Variants in ZNG1A observed in about 807,000 individuals in gnomAD.
ZNG1A encodes Zn regulated GTPase metalloprotein activator 1A.
chr9:154,522 T>C, the ZNG1A span: 1 of 593,938 alleles, frequency 1.7e-6, no homozygotes, highest in Non-Finnish European at 3.0e-6. Context: ...CTGCAAGCAC[T>C]GGGGACTAAT....
At chr9:122,308 T>C in the ZNG1A span, 1 of 1,420,486 alleles carries the variant, frequency 7.0e-7, no homozygotes, top group Admixed American at 2.9e-5. Context: ...GATTTTCTTT[T>C]TGAACAATCC....
the ZNG1A span, among the ~76,000 whole-genome samples, chr9:177,229 T>C: frequency 6.6e-6 from 1 of 152,176 alleles, no homozygotes. Context: ...TTGTAATTCA[T>C]GTTAAGGAAT....
chr9:139,703 G>A, the ZNG1A span, among the ~76,000 whole-genome samples: 6 of 151,160 alleles, frequency 4.0e-5, no homozygotes, highest in Non-Finnish European at 7.4e-5. Flanking sequence ...AGCTCCCAGC[G>A]TGAGAGACGC....
At chr9:169,293 G>C in the ZNG1A span, among the ~76,000 whole-genome samples, 3 of 148,328 alleles carry the variant, frequency 2.0e-5, no homozygotes, top group Non-Finnish European at 4.4e-5. Context: ...AAGAGAACTA[G>C]AATTAGAAGG....
the ZNG1A span, among the ~76,000 whole-genome samples, chr9:141,553 G>GA: frequency 1.3e-5 from 2 of 150,780 alleles, no homozygotes; most frequent in African/African-American, 2.5e-5. Flanking sequence ...ACTAAACGTG[G>GA]AAAGGAACAA....
the ZNG1A span, chr9:178,721 G>A: frequency 2.9e-6 from 3 of 1,018,486 alleles, 1 homozygote; most frequent in African/African-American, 1.5e-5. Flanking sequence ...TCTTGATCAT[G>A]AGGCCCCAAT....
chr9:127,133 T>C, the ZNG1A span, among the ~76,000 whole-genome samples: 1 of 152,160 alleles, frequency 6.6e-6, no homozygotes, highest in African/African-American at 2.4e-5. Flanking sequence ...TCATGTGCTG[T>C]TGAACAGAAC....
the ZNG1A span, among the ~76,000 whole-genome samples, chr9:129,393 C>G: frequency 1.3e-4 from 19 of 151,208 alleles, no homozygotes; most frequent in Non-Finnish European, 2.4e-4. Context: ...TATTTTGTCA[C>G]AGCAGTCAAG....
the ZNG1A span, chr9:154,645 G>C: frequency 8.4e-7 from 1 of 1,184,470 alleles, no homozygotes; most frequent in East Asian, 2.3e-5. Context: ...AACAATCAGA[G>C]TAAAAAATAT....
chr9:169,586 T>C, the ZNG1A span, among the ~76,000 whole-genome samples: 2 of 144,362 alleles, frequency 1.4e-5, no homozygotes, highest in African/African-American at 2.6e-5. Flanking sequence ...ACATCTTTTA[T>C]GAAAGGGAGA....
At chr9:177,914 A>G in the ZNG1A span, 1 of 1,510,048 alleles carries the variant, frequency 6.6e-7, no homozygotes, top group Non-Finnish European at 8.9e-7. Flanking sequence ...TTTAAAAAAA[A>G]CAAAAGCAGT....
the ZNG1A span, among the ~76,000 whole-genome samples, chr9:139,526 C>G: frequency 4.7e-5 from 7 of 149,282 alleles, no homozygotes; most frequent in African/African-American, 1.7e-4. Context: ...GATGTTCTTA[C>G]TACAATAAAA....
chr9:157,546 T>A, the ZNG1A span, among the ~76,000 whole-genome samples: 1 of 142,148 alleles, frequency 7.0e-6, no homozygotes, highest in South Asian at 2.4e-4. Context: ...CATTTAGCTT[T>A]CATAATAATT....
the ZNG1A span, among the ~76,000 whole-genome samples, chr9:157,266 G>T: frequency 2.0e-5 from 3 of 146,964 alleles, no homozygotes; most frequent in Non-Finnish European, 3.0e-5. Context: ...TCATCTCTCT[G>T]GAGGCAAGCT....
At chr9:139,551 C>A in the ZNG1A span, among the ~76,000 whole-genome samples, 1 of 152,064 alleles carries the variant, frequency 6.6e-6, no homozygotes, top group Non-Finnish European at 1.5e-5. Flanking sequence ...GAAAAAGATA[C>A]TGATGCACAA....
chr9:162,567 C>T, the ZNG1A span: 2 of 1,315,256 alleles, frequency 1.5e-6, no homozygotes, highest in Non-Finnish European at 2.1e-6. Context: ...TAACCTATTT[C>T]AGTTCACAAA....
chr9:121,461 C>G, the ZNG1A span: 5 of 1,610,882 alleles, frequency 3.1e-6, no homozygotes, highest in South Asian at 5.5e-5. Context: ...AGAAATGCCT[C>G]TAGTGTTATG....
At chr9:154,750 C>T in the ZNG1A span, 1 of 1,598,066 alleles carries the variant, frequency 6.3e-7, no homozygotes, top group Admixed American at 1.7e-5. Flanking sequence ...CTTCTGGAAC[C>T]AGGTCTGTTT....
chr9:143,008 T>G, the ZNG1A span, among the ~76,000 whole-genome samples: 1 of 143,908 alleles, frequency 6.9e-6, no homozygotes, highest in Non-Finnish European at 1.5e-5. Flanking sequence ...AAGTTGAATC[T>G]CTGAATAGAC....
Sources: gnomAD v4.1 joint callset for allele counts (sites outside exome capture counted in the v4.1 genomes callset) on GRCh38, gnomAD v4.1.1 for gene constraint, MANE v1.5 for transcripts, NCBI Gene and HGNC (gene_info 2026-07-23, HGNC 2026-07-21) for gene names.